The following PCSK9 variants were observed in gnomAD, a reference collection of about 807,000 sequenced individuals.
The protein encoded by PCSK9 is convertase subtilisin/kexin type 9 preproprotein.
Under a neutral mutation model 62.1 loss-of-function variants are expected in PCSK9, and 57 were observed. The observed-to-expected ratio is 0.92, with a 90% CI of 0.74 to 1.14. The LOEUF is 1.14. Among genes scored for constraint, PCSK9 ranks in the 50% most tolerant of loss-of-function variants. The pLI, the probability that PCSK9 is intolerant of heterozygous loss-of-function variation, is 0.00. For synonymous variants in PCSK9, 387 were observed against 409.4 expected, an observed-to-expected ratio of 0.95 and a Z score of 0.66; for missense variants, 870 against 959.8, an observed-to-expected ratio of 0.91 and a Z score of 1.24.
At chr1:55,058,874 T>C (rs1008019992) in intron 9 of PCSK9, among the ~76,000 whole-genome samples, 1 of 152,178 alleles carries the variant, frequency 6.6e-6, no homozygotes, top group Middle Eastern at 3.2e-3. Flanking sequence ...AAGGGTTTCC[T>C]AGAGGCTGCA....
At chr1:55,041,936 T>A (rs1236037239) in intron 1 of PCSK9, among the ~76,000 whole-genome samples, 1 of 152,104 alleles carries the variant, frequency 6.6e-6, no homozygotes, top group East Asian at 1.9e-4. Context: ...AAGGAGCACA[T>A]GTCCACAGTT....
At chr1:55,041,049 T>C (rs1570292002) in intron 1 of PCSK9, among the ~76,000 whole-genome samples, 1 of 152,210 alleles carries the variant, frequency 6.6e-6, no homozygotes, top group East Asian at 1.9e-4. Context: ...TGAGCCTCCA[T>C]TGCCTAATCT....
At chr1:55,063,314 G>C in intron 11 of PCSK9, 55 bp from the exon 12 acceptor site, 1 of 1,559,140 alleles carries the variant, frequency 6.4e-7, no homozygotes, top group Non-Finnish European at 8.7e-7. Context: ...TGAAGTGTGG[G>C]TGGGGGTCCC....
rs28362238 is a variant in PCSK9, at chr1:55,051,162, T to C, written c.524-1116T>C. On this transcript the variant is annotated intron_variant, in intron 3 of 11. Coordinates refer to ENST00000302118, the MANE Select transcript of PCSK9 (RefSeq NM_174936.4). ...CCTGAGCCTCCCACACTTGCTCACC[T>C]GTCCTGAGATGAGAATCTCTACTCT... 3,282 of 456,280 alleles carry C rather than the reference T, an allele frequency of 7.2e-3. 93 individuals carry two copies. Among genetic ancestry groups the C allele is most frequent in the African/African-American group, 0.059 (2,980 of 50,186 alleles). 28.3% of individuals were successfully genotyped at this position (456,280 alleles called of 1,614,324 possible). A position where few individuals can be genotyped will look rare whatever the true frequency, so the allele number is the denominator to read the frequency against.
rs746723269 is a variant in PCSK9, at chr1:55,057,345, G to A, written c.1011G>A (p.Gly337=). The change falls in exon 7 of 12, where the codon GGG becomes GGA. Residue 337 remains glycine (G), a synonymous_variant. Transcript: ENST00000302118. ...PASAPEVITV[G]ATNAQDQPVT... ...CACCTTTCCAGGTCATCACAGTTGG[G>A]GCCACCAATGCCCAAGACCAGCCGG... 21 of 1,613,834 alleles carry A rather than the reference G, an allele frequency of 1.3e-5. No homozygotes were observed. The African/African-American group carries it at 2.1e-4, about 16-fold the overall frequency.
chr1:55,054,627 C>G (rs1295725241), intron 5 of PCSK9, among the ~76,000 whole-genome samples: 1 of 152,192 alleles, frequency 6.6e-6, no homozygotes, highest in African/African-American at 2.4e-5. Context: ...GTTCCAGGTC[C>G]CCTTGCACAT....
chr1:55,062,576 G>A (rs562305110), intron 11 of PCSK9, among the ~76,000 whole-genome samples: 19 of 152,264 alleles, frequency 1.2e-4, no homozygotes, highest in African/African-American at 4.3e-4. Context: ...GTGGGAGAGA[G>A]GTCAGGAGAG....
chr1:55,052,699 G>C lies in PCSK9; in HGVS notation c.707G>C (p.Gly236Ala). ...HGTHLAGVVSGRDAGVAKGAS... is the reference protein window; with the variant it reads ...HGTHLAGVVSARDAGVAKGAS... ...ACCCACCTGGCAGGGGTGGTCAGCG[G>C]CCGGGATGCCGGCGTGGCCAAGGGT... The change falls in exon 5 of 12, where the codon GGC becomes GCC. Residue 236 changes from glycine to alanine, a missense_variant. Gly to Ala is a moderately conservative substitution (Grantham distance 60). Coordinates refer to ENST00000302118, the MANE Select transcript of PCSK9 (RefSeq NM_174936.4). The C allele has an allele frequency of 6.2e-7, 1 of 1,613,110 alleles. No individual in the cohort carries two copies. Among genetic ancestry groups the C allele is most frequent in the Non-Finnish European group, 8.5e-7 (1 of 1,179,932 alleles).
At chr1:55,059,399 G>A in intron 9 of PCSK9, 87 bp from the exon 10 acceptor site, 1 of 1,488,720 alleles carries the variant, frequency 6.7e-7, no homozygotes, top group Non-Finnish European at 9.2e-7. Flanking sequence ...CACTGATGAG[G>A]GTGCTTGAGT....
intron 2 of PCSK9, among the ~76,000 whole-genome samples, chr1:55,044,257 C>T (rs113726125): frequency 5.3e-5 from 8 of 152,266 alleles, no homozygotes; most frequent in East Asian, 1.9e-4. Flanking sequence ...ATTTGAAAGA[C>T]GAGGAGACTG....
rs1263043577 is a variant in PCSK9, at chr1:55,061,383, T to G, written c.1690T>G (p.Ser564Ala). Residue 564 changes from serine (S) to alanine (A), a missense_variant, in exon 11 of 12, where the codon TCC (serine) becomes GCC (alanine). Transcript: ENST00000302118. ...GCTTTCCTCTGCCCCAGGCTGCAGC[T>G]CCCACTGGGAGGTGGAGGACCTTGG... ...QQGHVLTGCSSHWEVEDLGTH... is the reference protein window; with the variant it reads ...QQGHVLTGCSAHWEVEDLGTH... 27 of 1,607,666 alleles carry G rather than the reference T, an allele frequency of 1.7e-5. No homozygotes were observed. Among genetic ancestry groups the G allele is most frequent in the Non-Finnish European group, 2.2e-5 (26 of 1,178,212 alleles).
chr1:55,052,608 A>AG (rs550947073), intron 4 of PCSK9, 42 bp from the exon 5 acceptor site: 177 of 1,609,972 alleles, frequency 1.1e-4, no homozygotes, highest in East Asian at 4.7e-4. Context: ...TATAGGGTGG[A>AG]GGGGGGGTCT....
At chr1:55,041,641 G>T (rs6704061) in intron 1 of PCSK9, among the ~76,000 whole-genome samples, 7,407 of 152,188 alleles carry the variant, frequency 0.049, 549 homozygotes, top group African/African-American at 0.17. Flanking sequence ...TTGGCAAGCA[G>T]AAAATAATTT....
intron 2 of PCSK9, among the ~76,000 whole-genome samples, chr1:55,045,040 C>T (rs1253581786): frequency 6.6e-6 from 1 of 152,212 alleles, no homozygotes; most frequent in Admixed American, 6.5e-5. Context: ...GATGACACAG[C>T]TCAGGCCTTT....
At chr1:55,060,930 A>T (rs190304195) in intron 10 of PCSK9, among the ~76,000 whole-genome samples, 1 of 152,118 alleles carries the variant, frequency 6.6e-6, no homozygotes, top group Admixed American at 6.5e-5. Flanking sequence ...CTAAGTAACC[A>T]CTATTTTAGG....
chr1:55,057,310 C>A (rs1296826263), intron 6 of PCSK9, 21 bp from the exon 7 acceptor site: 1 of 1,611,174 alleles, frequency 6.2e-7, no homozygotes, highest in Non-Finnish European at 8.5e-7. Flanking sequence ...TTCTCTGCCA[C>A]CCACCTCCTC....
chr1:55,057,378 G>A lies in PCSK9; in HGVS notation c.1044G>A (p.Leu348=), dbSNP rs1423534032. The part of the protein sequence containing the change: ...ATNAQDQPVT[L]GTLGTNFGRC... ...ATGCCCAAGACCAGCCGGTGACCCT[G>A]GGGACTTTGGGGACCAACTTTGGCC... The change falls in exon 7 of 12, where the codon CTG becomes CTA. Residue 348 remains leucine (L), a synonymous_variant. Transcript: ENST00000302118. 4 of 1,611,380 alleles carry A rather than the reference G, an allele frequency of 2.5e-6. No individual in the cohort carries two copies. The highest frequency in any genetic ancestry group is 1.3e-5 in the African/African-American group (1 of 74,894).
At chr1:55,058,287 C>G (rs931949623) in intron 8 of PCSK9, 78 bp downstream of exon 8, 1 of 1,543,480 alleles carries the variant, frequency 6.5e-7, no homozygotes, top group Non-Finnish European at 8.8e-7. Context: ...TCTCCCTTCT[C>G]CCTTGTCTGT....
intron 3 of PCSK9, among the ~76,000 whole-genome samples, chr1:55,048,769 C>T (rs1553136425): frequency 6.6e-6 from 1 of 152,258 alleles, no homozygotes; most frequent in Non-Finnish European, 1.5e-5. Context: ...TCTTCAGGTT[C>T]CTCTGCAAAA....
Sources: allele counts gnomAD v4.1 joint callset (sites outside exome capture counted in the v4.1 genomes callset), GRCh38; gene constraint gnomAD v4.1.1; transcripts MANE v1.5; gene names NCBI Gene and HGNC (gene_info 2026-07-23, HGNC 2026-07-21).